The following TMEM117 variants were observed in gnomAD, a reference collection of about 807,000 sequenced individuals.
TMEM117 encodes the protein transmembrane protein 117.
In TMEM117, 27 loss-of-function variants were observed where a neutral mutation model predicts 52.4. The ratio of observed to expected loss-of-function variants is 0.51; its 90% confidence interval spans 0.38 to 0.71. TMEM117 has a LOEUF of 0.71. TMEM117 is among the 30% of genes least tolerant of loss of function. TMEM117 has a pLI of 0.00. For synonymous variants in TMEM117, 215 were observed against 206.3 expected (o/e 1.04, Z -0.36); for missense variants, 556 against 630.5 (o/e 0.88, Z 1.26).
At chr12:44,115,610 A>G (rs2138120641) in intron 3 of TMEM117, among the ~76,000 whole-genome samples, 1 of 152,092 alleles carries the variant, frequency 6.6e-6, no homozygotes, top group South Asian at 2.1e-4. Flanking sequence ...CCAGATGTGC[A>G]TGTTCCCACC....
chr12:44,261,502 C>G (rs1950320465), intron 5 of TMEM117, among the ~76,000 whole-genome samples: 1 of 152,056 alleles, frequency 6.6e-6, no homozygotes, highest in Non-Finnish European at 1.5e-5. Context: ...TTTGGGCTGT[C>G]TTGGTACTGC....
At chr12:43,976,173 A>G (rs1795162528) in intron 3 of TMEM117, among the ~76,000 whole-genome samples, 2 of 152,192 alleles carry the variant, frequency 1.3e-5, no homozygotes, top group Admixed American at 1.3e-4. Context: ...TGGAGGCTAA[A>G]TGGGAATCAC....
chr12:43,888,466 C>A (rs1006421211), intron 2 of TMEM117, among the ~76,000 whole-genome samples: 1 of 151,822 alleles, frequency 6.6e-6, no homozygotes, highest in East Asian at 1.9e-4. Flanking sequence ...GAACTCATGC[C>A]CCATGGATAA....
chr12:43,810,050 G>T, the TMEM117 span, among the ~76,000 whole-genome samples: 5 of 152,248 alleles, frequency 3.3e-5, no homozygotes, highest in African/African-American at 1.2e-4. Context: ...TAAATGATAC[G>T]TACTTTCCAA....
chr12:44,330,940 A>G (rs1025364751), intron 6 of TMEM117, among the ~76,000 whole-genome samples: 4 of 152,032 alleles, frequency 2.6e-5, no homozygotes, highest in African/African-American at 9.7e-5. Context: ...ACTATTTTAC[A>G]TTTTAATTTA....
intron 4 of TMEM117, among the ~76,000 whole-genome samples, chr12:44,168,739 T>C (rs1949004409): frequency 6.6e-6 from 1 of 152,208 alleles, no homozygotes; most frequent in Non-Finnish European, 1.5e-5. Flanking sequence ...TTTTAAACAT[T>C]TTTAAGTGTA....
At chr12:44,391,541 A>G (rs1952162034), downstream of TMEM117, among the ~76,000 whole-genome samples, 1 of 152,182 alleles carries the variant, frequency 6.6e-6, no homozygotes, top group African/African-American at 2.4e-5. Flanking sequence ...TACAGTGGAA[A>G]GAAGTCCAAC....
At chr12:44,387,868 C>A (rs1217544925) in intron 7 of TMEM117, among the ~76,000 whole-genome samples, 158 bp from the exon 8 acceptor site, 1 of 152,104 alleles carries the variant, frequency 6.6e-6, no homozygotes, top group Admixed American at 6.6e-5. Context: ...TTTGCCAATT[C>A]ACTTAATGGC....
At chr12:44,181,367 A>G (rs757437606) in intron 4 of TMEM117, among the ~76,000 whole-genome samples, 4,547 of 152,072 alleles carry the variant, frequency 0.03, 106 homozygotes, top group Admixed American at 0.043. Context: ...ATTAGATCCC[A>G]TTTGTCAATT....
At chr12:44,299,508 C>T (rs1950811532) in intron 5 of TMEM117, 72 bp from the exon 6 acceptor site, 1 of 1,545,026 alleles carries the variant, frequency 6.5e-7, no homozygotes, top group Admixed American at 1.8e-5. Context: ...TAATACAACA[C>T]AGATAACATG....
chr12:44,376,162 T>A (rs1242681507), intron 6 of TMEM117, among the ~76,000 whole-genome samples: 1 of 152,206 alleles, frequency 6.6e-6, no homozygotes, highest in Admixed American at 6.5e-5. Context: ...GTGAATCAGA[T>A]CCTCTTTACT....
chr12:43,823,595 C>T, the TMEM117 span, among the ~76,000 whole-genome samples: 17 of 152,126 alleles, frequency 1.1e-4, no homozygotes, highest in South Asian at 1.2e-3. Flanking sequence ...CTGCAACTTC[C>T]GCCTCCCAGG....
chr12:44,281,599 A>G (rs936356162), intron 5 of TMEM117, among the ~76,000 whole-genome samples: 2 of 152,314 alleles, frequency 1.3e-5, no homozygotes, highest in East Asian at 1.9e-4. Context: ...GTTCACTGCC[A>G]TTTGACAGCA....
At chr12:44,337,249 T>C (rs1951353709) in intron 6 of TMEM117, among the ~76,000 whole-genome samples, 1 of 152,014 alleles carries the variant, frequency 6.6e-6, no homozygotes, top group Admixed American at 6.6e-5. Flanking sequence ...GTTGTTGCTG[T>C]ATCTTCCAGA....
downstream of TMEM117, among the ~76,000 whole-genome samples, chr12:44,392,527 TTTA>T (rs1379249917): frequency 2.6e-5 from 4 of 152,202 alleles, no homozygotes; most frequent in East Asian, 5.8e-4. Flanking sequence ...CTGGCTTTTT[TTTA>T]TTATTATTAT....
intron 3 of TMEM117, among the ~76,000 whole-genome samples, chr12:44,060,556 C>T (rs1236597502): frequency 1.3e-5 from 2 of 152,142 alleles, no homozygotes; most frequent in Non-Finnish European, 1.5e-5. Context: ...CTGTGGTCTT[C>T]ATCTTCTAAG....
chr12:44,140,167 A>G (rs988736102), intron 3 of TMEM117, among the ~76,000 whole-genome samples: 4 of 152,150 alleles, frequency 2.6e-5, no homozygotes, highest in East Asian at 1.9e-4. Context: ...AGGATACTTT[A>G]TTTTGTGCTG....
intron 2 of TMEM117, among the ~76,000 whole-genome samples, chr12:43,865,758 C>G (rs530221960): frequency 6.7e-6 from 1 of 149,282 alleles, no homozygotes; most frequent in East Asian, 1.9e-4. Flanking sequence ...AGTATCAAAT[C>G]AAGCCTTCAC....
At chr12:43,950,336 A>G (rs1335727642) in intron 3 of TMEM117, among the ~76,000 whole-genome samples, 1 of 152,186 alleles carries the variant, frequency 6.6e-6, no homozygotes, top group Non-Finnish European at 1.5e-5. Flanking sequence ...AAGAATTTAC[A>G]TTAAAATAAC....
Sources: gnomAD v4.1 joint callset for allele counts (sites outside exome capture counted in the v4.1 genomes callset) on GRCh38, gnomAD v4.1.1 for gene constraint, MANE v1.5 for transcripts, NCBI Gene and HGNC (gene_info 2026-07-23, HGNC 2026-07-21) for gene names.